The following ABCB5 variants were observed in gnomAD, a reference collection of about 807,000 sequenced individuals.
The protein encoded by ABCB5 is ATP-binding cassette sub-family B member 5.
A neutral mutation model predicts 144.2 loss-of-function variants in ABCB5; 155 were observed. The ratio of observed to expected loss-of-function variants is 1.08; its 90% CI spans 0.94 to 1.23. The LOEUF is 1.23. Among genes scored for constraint, ABCB5 ranks in the 50% most tolerant of loss-of-function variants. ABCB5 has a pLI of 0.00. For synonymous variants in ABCB5, 610 were observed against 528.6 expected, an observed-to-expected ratio of 1.15 and a Z score of -2.11; for missense variants, 1,830 against 1,520.8, an observed-to-expected ratio of 1.20 and a Z score of -3.38.
chr7:20,728,525 G>A (rs762459541), intron 23 of ABCB5, 70 bp downstream of exon 23: 24 of 1,535,752 alleles, frequency 1.6e-5, no homozygotes, highest in Middle Eastern at 1.7e-4. Flanking sequence ...AGGCTGAGGC[G>A]GGTGGATCAC....
In ABCB5 at chr7:20,643,238, A is replaced by G. The variant is rs372749249; in HGVS notation, c.369A>G (p.Ile123Met). The change falls in exon 6 of 28, where the codon ATA (isoleucine) becomes ATG (methionine). Residue 123 changes from isoleucine to methionine, a missense_variant. Coordinates refer to ENST00000404938, the MANE Select transcript of ABCB5 (RefSeq NM_001163941.2). ...TTGCTGCCTTGATTTTTGGTTACATACAGATTTCCTTGTGGATTATAACTG... is the reference window on the plus strand; with the variant it reads ...TTGCTGCCTTGATTTTTGGTTACATGCAGATTTCCTTGTGGATTATAACTG... ...IGVAALIFGY[I>M]QISLWIITAA... The G allele has an allele frequency of 5.0e-6, 8 of 1,613,536 alleles. No homozygotes were observed. Among genetic ancestry groups the G allele is most frequent in the African/African-American group, 1.3e-5 (1 of 74,936 alleles).
intron 16 of ABCB5, among the ~76,000 whole-genome samples, chr7:20,692,425 T>C (rs1205573903): frequency 1.3e-5 from 2 of 151,658 alleles, no homozygotes; most frequent in South Asian, 2.1e-4. Flanking sequence ...AGTTCAGACA[T>C]TTTCAGAAAT....
At position 20,711,784 on chromosome 7, in the gene ABCB5, C is replaced by CTTTCTT. The variant is rs1787051015; in HGVS notation, c.2421+6979_2421+6984dup. 1.0e-4 allele frequency among the ~76,000 whole-genome samples: 3 copies of CTTTCTT among 28,892 alleles called. 1 individual carries two copies. The highest frequency in any genetic ancestry group is 1.5e-4 in the Non-Finnish European group (3 of 19,914). 19.0% of individuals were successfully genotyped at this position (28,892 alleles called of 152,430 possible). On this transcript the variant is annotated intron_variant, in intron 20 of 27. Coordinates refer to ENST00000404938, the MANE Select transcript of ABCB5 (RefSeq NM_001163941.2). ...TGCCTGCCTTTCCTTCTTTCTCTTT[C>CTTTCTT]TTTCTTTCTTTCTTTCTTTCTTTCT...
At chr7:20,622,075 G>T (rs1427494959) in intron 1 of ABCB5, among the ~76,000 whole-genome samples, 2 of 152,072 alleles carry the variant, frequency 1.3e-5, no homozygotes, top group Non-Finnish European at 2.9e-5. Flanking sequence ...GATAAGCTTG[G>T]TAAAGCACAG....
intron 20 of ABCB5, among the ~76,000 whole-genome samples, chr7:20,715,429 G>T (rs990222700): frequency 6.6e-6 from 1 of 152,028 alleles, no homozygotes; most frequent in African/African-American, 2.4e-5. Context: ...GTGTGTGTGT[G>T]AAACAGGGTC....
At chr7:20,616,912 T>C (rs1783698718) in intron 1 of ABCB5, among the ~76,000 whole-genome samples, 1 of 152,214 alleles carries the variant, frequency 6.6e-6, no homozygotes, top group Non-Finnish European at 1.5e-5. Flanking sequence ...CTCTACTATC[T>C]AAATAGTATT....
chr7:20,712,067 A>G (rs1313848401), intron 20 of ABCB5, among the ~76,000 whole-genome samples: 1 of 140,802 alleles, frequency 7.1e-6, no homozygotes, highest in Non-Finnish European at 1.5e-5. Context: ...GTGAAACCCC[A>G]TCTCTACTAA....
At chr7:20,722,136 G>C (rs1430968787) in intron 20 of ABCB5, among the ~76,000 whole-genome samples, 1 of 152,148 alleles carries the variant, frequency 6.6e-6, no homozygotes, top group Non-Finnish European at 1.5e-5. Context: ...TAGTAACTAT[G>C]ATTCTGTCAT....
At chr7:20,691,216 C>G (rs1166242739) in intron 16 of ABCB5, among the ~76,000 whole-genome samples, 1 of 101,796 alleles carries the variant, frequency 9.8e-6, no homozygotes, top group Non-Finnish European at 1.8e-5. Context: ...CGGAGTTTCA[C>G]TCTTGTTGCT....
At chr7:20,662,682 TG>T (rs1211234801) in intron 14 of ABCB5, among the ~76,000 whole-genome samples, 1 of 151,768 alleles carries the variant, frequency 6.6e-6, no homozygotes, top group Non-Finnish European at 1.5e-5. Flanking sequence ...GCAAAAAACA[TG>T]ATTGGATATT....
intron 20 of ABCB5, among the ~76,000 whole-genome samples, 165 bp from the exon 21 acceptor site, chr7:20,722,851 A>C (rs114065396): frequency 6.6e-6 from 1 of 152,100 alleles, no homozygotes; most frequent in Non-Finnish European, 1.5e-5. Context: ...GTAAATAAAT[A>C]AAAATATGTA....
intron 5 of ABCB5, among the ~76,000 whole-genome samples, chr7:20,638,677 C>T (rs2128021496): frequency 6.6e-6 from 1 of 152,276 alleles, no homozygotes; most frequent in Admixed American, 6.5e-5. Context: ...CATGTTGTAA[C>T]AGGTAGGAGT....
rs1444281564 is a variant in ABCB5 at position 20,723,032 on chromosome 7, T to C, written c.2438T>C (p.Ile813Thr). 2 of 1,614,148 alleles carry C rather than the reference T, an allele frequency of 1.2e-6. No individual in the cohort carries two copies. The highest frequency in any genetic ancestry group is 2.2e-5 in the East Asian group (1 of 44,868). ...AQIQGATGSR[I>T]GVLTQNATNM... Reference sequence around the variant, plus strand: ...TGATTATAGGCAACAGGTTCCAGGATTGGCGTCTTAACACAAAATGCAACT... The same window carrying C: ...TGATTATAGGCAACAGGTTCCAGGACTGGCGTCTTAACACAAAATGCAACT... The change falls in exon 21 of 28, where the codon ATT becomes ACT. Residue 813 changes from isoleucine (I) to threonine (T), a missense_variant. Transcript: ENST00000404938.
At chr7:20,748,947 G>A (rs537697365) in intron 26 of ABCB5, among the ~76,000 whole-genome samples, 1 of 152,066 alleles carries the variant, frequency 6.6e-6, no homozygotes, top group African/African-American at 2.4e-5. Context: ...TGCTTTCTGA[G>A]GATTTCTTTT....
At chr7:20,640,234 A>G (rs931082383) in intron 5 of ABCB5, among the ~76,000 whole-genome samples, 1 of 152,228 alleles carries the variant, frequency 6.6e-6, no homozygotes, top group Admixed American at 6.5e-5. Context: ...AGTTTCTGTG[A>G]AAATTGAATT....
chr7:20,625,937 A>T (rs1350503929), intron 2 of ABCB5, among the ~76,000 whole-genome samples: 2 of 152,400 alleles, frequency 1.3e-5, no homozygotes. Context: ...ATAATGGAAT[A>T]CTATACAGCC....
intron 14 of ABCB5, among the ~76,000 whole-genome samples, chr7:20,680,107 C>G (rs186635606): frequency 4.6e-5 from 7 of 152,252 alleles, no homozygotes; most frequent in Non-Finnish European, 8.8e-5. Flanking sequence ...TCTATAAAAC[C>G]AAATGGATGA....
intron 3 of ABCB5, among the ~76,000 whole-genome samples, chr7:20,627,508 T>A (rs988910925): frequency 2.0e-5 from 3 of 152,180 alleles, no homozygotes; most frequent in Non-Finnish European, 4.4e-5. Flanking sequence ...TAAATTTTAT[T>A]TTGGCCTCTC....
In ABCB5 at chr7:20,628,831, T is replaced by A; in HGVS notation, c.252T>A (p.Thr84=). 6.2e-7 allele frequency: 1 copy of A among 1,613,610 alleles called. No homozygotes were observed. Among genetic ancestry groups the A allele is most frequent in the Non-Finnish European group, 8.5e-7 (1 of 1,179,744 alleles). Residue 84 remains threonine (T), a synonymous_variant, in exon 4 of 28, where the codon ACT becomes ACA. Coordinates refer to ENST00000404938, the MANE Select transcript of ABCB5 (RefSeq NM_001163941.2). ...TTATTAGTGGATGTCTAGTCCAAACTAACACAAGTGAGTATACGATTATTT... is the reference window on the plus strand; with the variant it reads ...TTATTAGTGGATGTCTAGTCCAAACAAACACAAGTGAGTATACGATTATTT... ...DNLISGCLVQ[T]NTTNYQNCTQ...
Sources: allele counts gnomAD v4.1 joint callset (sites outside exome capture counted in the v4.1 genomes callset), GRCh38; gene constraint gnomAD v4.1.1; transcripts MANE v1.5; gene names NCBI Gene and HGNC (gene_info 2026-07-23, HGNC 2026-07-21).